Variants in NBPF12 observed in about 807,000 individuals in gnomAD.
The protein encoded by NBPF12 is NBPF member 12.
NBPF12 carries 115 observed loss-of-function variants against 146.4 expected under a neutral mutation model. The ratio of observed to expected loss-of-function variants is 0.79; its 90% CI spans 0.68 to 0.92. The LOEUF (loss-of-function observed/expected upper bound fraction) is 0.92, where lower values mean the gene tolerates loss of function less well. Among genes scored for constraint, NBPF12 ranks in the 40% least tolerant of loss-of-function variants. NBPF12 has a pLI of 0.00. For missense variants in NBPF12, 1,205 were observed against 1,326.8 expected (o/e 0.91, Z 1.43); for synonymous variants, 385 against 508.9 (o/e 0.76, Z 3.28).
rs626585 is a variant in NBPF12 at position 146,992,602 on chromosome 1, A to G, written c.3849-110A>G. The stretch of plus-strand genomic sequence containing the variant: ...AATTTGTTACCTCATTAATGGATCT[A>G]TCCTTTTACTTTTTTTAACCACTTC... On this transcript the variant is annotated intron_variant, in intron 31 of 33. Transcript: ENST00000617844. 9.5e-5 allele frequency: 59 copies of G among 622,180 alleles called. 4 individuals are homozygous for G. The highest frequency in any genetic ancestry group is 1.6e-4 in the Non-Finnish European group (55 of 340,350). 38.5% of individuals were successfully genotyped at this position (622,180 alleles called of 1,614,324 possible). A position where few individuals can be genotyped will look rare whatever the true frequency, so the allele number is the denominator to read the frequency against.
intron 12 of NBPF12, 69 bp downstream of exon 15, chr1:146,970,788 T>A: frequency 2.4e-6 from 3 of 1,228,996 alleles, no homozygotes; most frequent in Non-Finnish European, 3.6e-6. Context: ...GCATGCCCTC[T>A]CTGGCATCTA....
At chr1:146,938,397 A>G (rs1462406188), upstream of NBPF12, among the ~76,000 whole-genome samples, 1 of 151,872 alleles carries the variant, frequency 6.6e-6, no homozygotes, top group East Asian at 1.9e-4. Flanking sequence ...CAGGCTTCCG[A>G]GGGGGTGTGT....
chr1:146,968,612 C>G (rs1274044270), intron 10 of NBPF12, 62 bp downstream of exon 13: 1 of 1,498,890 alleles, frequency 6.7e-7, no homozygotes. Context: ...AGTACAACAG[C>G]TCGGTGGGGA....
At chr1:146,962,088 C>G in intron 4 of NBPF12, 73 bp from the exon 8 acceptor site, 1 of 1,438,998 alleles carries the variant, frequency 6.9e-7, no homozygotes, top group Middle Eastern at 2.4e-4. Context: ...GACCTGGCTC[C>G]TGCCCTGTAG....
At chr1:146,949,989 C>T (rs1655258141) in intron 1 of NBPF12, among the ~76,000 whole-genome samples, 1 of 151,996 alleles carries the variant, frequency 6.6e-6, no homozygotes, top group Non-Finnish European at 1.5e-5. Context: ...ACCTCACCAT[C>T]TTAAAGTCAT....
chr1:146,953,456 G>A (rs1357819264), intron 2 of NBPF12, among the ~76,000 whole-genome samples: 50 of 131,730 alleles, frequency 3.8e-4, no homozygotes, highest in East Asian at 2.9e-3. Flanking sequence ...TGATCCGCCC[G>A]CCTCAGCCTC....
intron 21 of NBPF12, 134 bp from the exon 25 acceptor site, chr1:146,984,679 T>G: frequency 2.8e-6 from 2 of 714,170 alleles, no homozygotes; most frequent in Non-Finnish European, 5.0e-6. Flanking sequence ...ATAAAGGCAA[T>G]AATTTGTTAC....
At chr1:146,945,959 T>C (rs1201660247), upstream of NBPF12, among the ~76,000 whole-genome samples, 2 of 151,714 alleles carry the variant, frequency 1.3e-5, no homozygotes, top group East Asian at 3.9e-4. Flanking sequence ...CCTCCTCCTC[T>C]CCTCCACCCC....
At chr1:146,945,119 CCTTT>C (rs1654990113), upstream of NBPF12, among the ~76,000 whole-genome samples, 1 of 146,544 alleles carries the variant, frequency 6.8e-6, no homozygotes, top group African/African-American at 2.5e-5. Flanking sequence ...TCCATTCTTT[CCTTT>C]CTTCTTTTCT....
rs1429900194 is a variant in NBPF12, at chr1:146,967,515, T to G, written c.988+842T>G. 9.1e-3 allele frequency among the ~76,000 whole-genome samples: 1,359 copies of G among 149,172 alleles called. 20 individuals carry two copies. Among genetic ancestry groups the G allele is most frequent in the East Asian group, 0.019 (98 of 5,026 alleles). ...GACTGTTAAAAAAAAATAATAATGA[T>G]AAATAAAAATAAGAATAAAAAGCAG... On this transcript the variant is annotated intron_variant, in intron 9 of 33. Coordinates refer to ENST00000617844, the Ensembl canonical transcript of NBPF12.
At chr1:146,981,581 C>T (rs1657397440) in intron 19 of NBPF12, among the ~76,000 whole-genome samples, 1 of 151,592 alleles carries the variant, frequency 6.6e-6, no homozygotes, top group African/African-American at 2.4e-5. Context: ...TCTGTGTTTC[C>T]TGAATTTGAA....
chr1:146,950,295 C>G (rs1446414847), intron 1 of NBPF12, among the ~76,000 whole-genome samples: 1 of 151,778 alleles, frequency 6.6e-6, no homozygotes, highest in Admixed American at 6.6e-5. Context: ...CCGAGAGTGT[C>G]CATTAAGTGC....
chr1:146,941,924 T>A (rs1553882882), intron 1 of NBPF12, among the ~76,000 whole-genome samples: 3 of 149,914 alleles, frequency 2.0e-5, no homozygotes, highest in Non-Finnish European at 3.0e-5. Flanking sequence ...GTTGGCATAA[T>A]CTCAGCTCAC....
intron 2 of NBPF12, 111 bp downstream of exon 2, chr1:146,943,673 G>A (rs1553883055): frequency 1.4e-4 from 90 of 654,538 alleles, no homozygotes; most frequent in Non-Finnish European, 1.6e-4. Context: ...AGGGCCTTGC[G>A]TGGCATCAAA....
chr1:146,970,575 G>A (rs1175195535), intron 11 of NBPF12, 72 bp from the exon 15 acceptor site: 6 of 1,548,102 alleles, frequency 3.9e-6, no homozygotes, highest in East Asian at 2.3e-5. Context: ...TCATGTCTCT[G>A]TGCACGTTGG....
At chr1:146,977,914 G>T (rs1657149823) in intron 18 of NBPF12, among the ~76,000 whole-genome samples, 3 of 152,040 alleles carry the variant, frequency 2.0e-5, no homozygotes, top group African/African-American at 7.3e-5. Flanking sequence ...TGCAGGAGGT[G>T]CACAGGCAGT....
At chr1:146,965,078 G>T in exon 8 of NBPF12, 1 of 1,601,382 alleles carries the variant, frequency 6.2e-7, no homozygotes, top group East Asian at 2.2e-5. Flanking sequence ...CATGATGAAT[G>T]TCAGGATGCT....
chr1:146,982,341 G>A (rs1423527258), intron 19 of NBPF12, among the ~76,000 whole-genome samples: 7 of 148,794 alleles, frequency 4.7e-5, no homozygotes, highest in East Asian at 2.0e-4. Flanking sequence ...GGAGTTTGCT[G>A]GAAGTCCACT....
chr1:146,965,820 A>AT, intron 8 of NBPF12, among the ~76,000 whole-genome samples: 1 of 138,172 alleles, frequency 7.2e-6, no homozygotes, highest in Admixed American at 7.4e-5. Flanking sequence ...AAAAAAAAAA[A>AT]GTCTCTGACC....
Sources: gnomAD v4.1 joint callset for allele counts (sites outside exome capture counted in the v4.1 genomes callset) on GRCh38, gnomAD v4.1.1 for gene constraint, MANE v1.5 for transcripts, NCBI Gene and HGNC (gene_info 2026-07-23, HGNC 2026-07-21) for gene names.